The following DAB1 variants were observed in gnomAD, a reference collection of about 807,000 sequenced individuals.
DAB1 encodes disabled homolog 1.
A neutral mutation model predicts 64.6 loss-of-function variants in DAB1; 15 were observed. The observed-to-expected ratio is 0.23, with a 90% CI of 0.16 to 0.36. The LOEUF (loss-of-function observed/expected upper bound fraction) is 0.36. Ranked by LOEUF, DAB1 falls within the 10% of genes least tolerant of loss-of-function variation. The pLI, the probability that DAB1 is intolerant of heterozygous loss-of-function variation, is 1.00. For synonymous variants in DAB1, 235 were observed against 251.9 expected (o/e 0.93, Z 0.64); for missense variants, 596 against 706.7 (o/e 0.84, Z 1.78).
chr1:57,012,253 T>C (rs1204644574), intron 12 of DAB1, among the ~76,000 whole-genome samples: 1 of 152,240 alleles, frequency 6.6e-6, no homozygotes, highest in Non-Finnish European at 1.5e-5. Flanking sequence ...CTGATGAATC[T>C]ATATATAGAA....
intron 3 of DAB1, among the ~76,000 whole-genome samples, chr1:58,500,234 T>C (rs1459212923): frequency 2.0e-5 from 3 of 152,174 alleles, no homozygotes; most frequent in Non-Finnish European, 4.4e-5. Flanking sequence ...GCTTCCTGGC[T>C]TTATATGATT....
intron 3 of DAB1, among the ~76,000 whole-genome samples, chr1:58,483,011 C>A (rs1340532657): frequency 6.6e-6 from 1 of 152,200 alleles, no homozygotes; most frequent in East Asian, 1.9e-4. Flanking sequence ...AGCTAATACA[C>A]TACTACTTAA....
chr1:58,415,150 C>CCTCT, intron 3 of DAB1, among the ~76,000 whole-genome samples: 2 of 150,358 alleles, frequency 1.3e-5, no homozygotes, highest in African/African-American at 4.9e-5. Context: ...GATCTGTCCC[C>CCTCT]CTCTCTCTCT....
In DAB1 at chr1:57,161,834, G is replaced by A. The variant is rs79512007; in HGVS notation, c.68-16405C>T. Among the ~76,000 whole-genome samples the A allele has an allele frequency of 7.2e-3, 1,070 of 149,228 alleles. 8 individuals carry two copies. Among genetic ancestry groups the A allele is most frequent in the African/African-American group, 0.025 (1,033 of 40,514 alleles). ...AGCTTTTCCCTAAGTGCATACACAC[G>A]CAAACACCCATTCTTCAAAAAAAAA... On this transcript the variant is annotated intron_variant, in intron 2 of 14. Coordinates refer to ENST00000371236, the MANE Select transcript of DAB1 (RefSeq NM_001365792.1).
At chr1:58,431,268 G>C (rs750019090) in intron 3 of DAB1, among the ~76,000 whole-genome samples, 1 of 152,044 alleles carries the variant, frequency 6.6e-6, no homozygotes, top group South Asian at 2.1e-4. Context: ...ATGAAGACTA[G>C]GAAAGCAAAG....
chr1:58,544,372 A>G (rs2100505540), intron 1 of DAB1, among the ~76,000 whole-genome samples: 1 of 152,292 alleles, frequency 6.6e-6, no homozygotes, highest in South Asian at 2.1e-4. Flanking sequence ...ACCCTCCCCA[A>G]TTTGCAAAAA....
chr1:57,809,849 C>T lies in DAB1; in HGVS notation n.551+74150G>A, dbSNP rs148225355. On this transcript the variant is annotated intron_variant and non_coding_transcript_variant, in intron 6 of 20. Transcript: ENST00000485760. ...ACATGTCAAATATGACTAGAACATC[C>T]GTGTTTCCTACTGTGCCTCTCCTCC... 3.7e-4 allele frequency among the ~76,000 whole-genome samples: 57 copies of T among 152,242 alleles called. No individual in the cohort carries two copies. The East Asian group carries it at 6.4e-3, about 17-fold the overall frequency.
At chr1:57,264,559 T>C (rs1012298353) in intron 2 of DAB1, among the ~76,000 whole-genome samples, 8 of 152,344 alleles carry the variant, frequency 5.3e-5, no homozygotes, top group African/African-American at 1.7e-4. Context: ...GAGGCAATTA[T>C]AGAATGATGA....
At chr1:57,710,217 A>G (rs971143204) in intron 6 of DAB1, among the ~76,000 whole-genome samples, 2 of 151,782 alleles carry the variant, frequency 1.3e-5, no homozygotes, top group Non-Finnish European at 1.5e-5. Context: ...TCATCATTAC[A>G]TTTCTCTGTG....
chr1:57,271,494 C>T (rs1489046587), intron 2 of DAB1, among the ~76,000 whole-genome samples: 1 of 152,188 alleles, frequency 6.6e-6, no homozygotes, highest in Non-Finnish European at 1.5e-5. Flanking sequence ...ACTTACTGAA[C>T]ACCGACTTTG....
At chr1:57,232,097 CT>C (rs1478517602) in intron 2 of DAB1, among the ~76,000 whole-genome samples, 1 of 152,150 alleles carries the variant, frequency 6.6e-6, no homozygotes, top group African/African-American at 2.4e-5. Context: ...CTCTTCCCAC[CT>C]TTCGTGGCCA....
At chr1:57,069,125 T>A (rs1651206907) in intron 8 of DAB1, among the ~76,000 whole-genome samples, 1 of 152,214 alleles carries the variant, frequency 6.6e-6, no homozygotes, top group Non-Finnish European at 1.5e-5. Flanking sequence ...TTGTTTCTAC[T>A]TAAAATAGTT....
At chr1:58,466,818 G>A (rs1165484425) in intron 3 of DAB1, among the ~76,000 whole-genome samples, 1 of 152,192 alleles carries the variant, frequency 6.6e-6, no homozygotes, top group African/African-American at 2.4e-5. Context: ...TCTGTGCAGG[G>A]GGAGCTGTGT....
At position 57,176,970 on chromosome 1, in the gene DAB1, T is replaced by TACAAAAAAAAAAAAA. The variant is rs146465598; in HGVS notation, c.68-31542_68-31541insTTTTTTTTTTTTTGT. On this transcript the variant is annotated intron_variant, in intron 2 of 14. Coordinates refer to ENST00000371236, the MANE Select transcript of DAB1 (RefSeq NM_001365792.1). ...GATAAAAAAAAGAAGCAGCAGCAGA[T>TACAAAAAAAAAAAAA]ATAAAAAAAAAAAAAAAAAAAAGCC... Among the ~76,000 whole-genome samples the TACAAAAAAAAAAAAA allele has an allele frequency of 8.2e-5, 5 of 61,036 alleles. 2 individuals carry two copies. The highest frequency in any genetic ancestry group is 1.2e-4 in the African/African-American group (3 of 25,634). 40.0% of individuals were successfully genotyped at this position (61,036 alleles called of 152,430 possible).
intron 4 of DAB1, among the ~76,000 whole-genome samples, chr1:57,092,656 CA>C (rs1427145900): frequency 1.6e-5 from 2 of 124,708 alleles, no homozygotes; most frequent in East Asian, 4.7e-4. Flanking sequence ...AACGAACAAA[CA>C]GTGGTCTGGC....
At chr1:57,452,494 C>T (rs949713862) in intron 7 of DAB1, among the ~76,000 whole-genome samples, 2 of 152,020 alleles carry the variant, frequency 1.3e-5, no homozygotes, top group Non-Finnish European at 2.9e-5. Context: ...AAATAACTTG[C>T]CCTAAGTCAC....
chr1:57,212,115 A>G (rs1046013039), intron 2 of DAB1, among the ~76,000 whole-genome samples: 1 of 152,170 alleles, frequency 6.6e-6, no homozygotes, highest in Non-Finnish European at 1.5e-5. Flanking sequence ...ATTTAACACT[A>G]AGTGGTCTGC....
chr1:58,132,107 G>A (rs560408100), intron 5 of DAB1, among the ~76,000 whole-genome samples: 8 of 152,252 alleles, frequency 5.3e-5, no homozygotes, highest in African/African-American at 1.9e-4. Context: ...AGCAATCAGC[G>A]AGACTCCGTG....
rs111247565 is a variant in DAB1, at chr1:57,711,313, G to A, written n.552-61648C>T. Among the ~76,000 whole-genome samples, 327 of 152,366 alleles carry A rather than the reference G, an allele frequency of 2.1e-3. 1 individual carries two copies. The highest frequency in any genetic ancestry group is 7.3e-3 in the African/African-American group (302 of 41,586). On this transcript the variant is annotated intron_variant and non_coding_transcript_variant, in intron 6 of 20. Coordinates refer to the DAB1 transcript ENST00000485760. The stretch of plus-strand genomic sequence containing the variant: ...CTAGAAGCAAGATAGGGTCAGCCAT[G>A]TAGGATTTATCTCACTGCCATTATT...
Sources: gnomAD v4.1 joint callset for allele counts (sites outside exome capture counted in the v4.1 genomes callset) on GRCh38, gnomAD v4.1.1 for gene constraint, MANE v1.5 for transcripts, NCBI Gene and HGNC (gene_info 2026-07-23, HGNC 2026-07-21) for gene names.